The following PLCB1 variants were observed in gnomAD, a reference collection of about 807,000 sequenced individuals.
PLCB1 encodes the protein phospholipase C beta 1, also known as 1-phosphatidylinositol 4,5-bisphosphate phosphodiesterase beta-1.
Under a neutral mutation model 161.8 loss-of-function variants are expected in PLCB1, and 46 were observed. The observed-to-expected ratio is 0.28, with a 90% confidence interval of 0.22 to 0.36. PLCB1 has a LOEUF of 0.36. PLCB1 is among the 10% of genes least tolerant of loss of function. PLCB1 has a pLI of 1.00. For synonymous variants in PLCB1, 517 were observed against 503.7 expected, an observed-to-expected ratio of 1.03 and a Z score of -0.35; for missense variants, 1,016 against 1,472.5, an observed-to-expected ratio of 0.69 and a Z score of 5.07.
intron 3 of PLCB1, among the ~76,000 whole-genome samples, chr20:8,594,737 T>C (rs1163535951): frequency 1.3e-5 from 2 of 151,656 alleles, no homozygotes; most frequent in African/African-American, 4.8e-5. Context: ...AACTCAGTGC[T>C]TTAAGTGCAT....
intron 2 of PLCB1, among the ~76,000 whole-genome samples, chr20:8,366,775 C>T (rs528951177): frequency 6.7e-6 from 1 of 149,582 alleles, no homozygotes; most frequent in East Asian, 1.9e-4. Context: ...GTACATGCCT[C>T]GTTTAATGAT....
chr20:8,666,942 G>C (rs1989826073), intron 9 of PLCB1, among the ~76,000 whole-genome samples: 1 of 152,060 alleles, frequency 6.6e-6, no homozygotes, highest in Non-Finnish European at 1.5e-5. Context: ...AGGGATGTCT[G>C]CCCAAACCCA....
chr20:8,392,995 A>G (rs1456530705), intron 3 of PLCB1, among the ~76,000 whole-genome samples: 1 of 152,178 alleles, frequency 6.6e-6, no homozygotes, highest in African/African-American at 2.4e-5. Flanking sequence ...GGAACTCCTG[A>G]AATTAATGTC....
intron 3 of PLCB1, among the ~76,000 whole-genome samples, chr20:8,482,758 C>T (rs1982558658): frequency 6.6e-6 from 1 of 152,134 alleles, no homozygotes; most frequent in Admixed American, 6.5e-5. Flanking sequence ...AGACTGCTTG[C>T]CAAGTGGAGT....
intron 18 of PLCB1, chr20:8,729,442 C>A: frequency 4.3e-6 from 1 of 233,300 alleles, no homozygotes; most frequent in Non-Finnish European, 8.2e-6. Context: ...TAAGATAATA[C>A]ATATTTATTT....
Position 8,763,040 on chromosome 20 carries a change from A to T in PLCB1, c.2711-2099A>T, listed in dbSNP as rs528790543. Among the ~76,000 whole-genome samples the T allele has an allele frequency of 1.3e-4, 20 of 152,320 alleles. No homozygotes were observed. In the South Asian group the frequency reaches 3.9e-3, roughly 30 times the overall value. On this transcript the variant is annotated intron_variant, in intron 25 of 31. Coordinates refer to ENST00000338037, the MANE Select transcript of PLCB1 (RefSeq NM_015192.4). Reference sequence around the variant, plus strand: ...GATAATTCACTGGAGTTAAGATACCATCAGTTGTAAAGCATCCTACGTTCA... The same window carrying T: ...GATAATTCACTGGAGTTAAGATACCTTCAGTTGTAAAGCATCCTACGTTCA...
At chr20:8,649,254 C>G in intron 6 of PLCB1, 120 bp from the exon 7 acceptor site, 1 of 636,670 alleles carries the variant, frequency 1.6e-6, no homozygotes, top group African/African-American at 1.8e-5. Context: ...TCTTTTAGTT[C>G]TTTAAATATG....
intron 3 of PLCB1, among the ~76,000 whole-genome samples, chr20:8,579,234 T>C (rs990556906): frequency 1.3e-5 from 2 of 152,252 alleles, no homozygotes; most frequent in African/African-American, 2.4e-5. Flanking sequence ...AGTTGTGCAA[T>C]TGGGCTTGCT....
chr20:8,516,465 A>G (rs1984118160), intron 3 of PLCB1, among the ~76,000 whole-genome samples: 1 of 152,064 alleles, frequency 6.6e-6, no homozygotes, highest in Non-Finnish European at 1.5e-5. Context: ...GTGAACAGAA[A>G]TGAGTGATCA....
rs1988031156 is a variant in PLCB1 at position 8,882,483 on chromosome 20, C to G, written c.*634C>G. On this transcript the variant is annotated 3_prime_UTR_variant, in exon 32 of 32. Coordinates refer to ENST00000338037, the MANE Select transcript of PLCB1 (RefSeq NM_015192.4). ...AAGTTTTCTATTTGAAAAAAAAAAT[C>G]ACTTGATTGTATCCTTGCCCAGTGA... is the stretch of plus-strand genomic sequence containing the variant. 6.5e-6 allele frequency: 1 copy of G among 153,432 alleles called. No homozygotes were observed. Among genetic ancestry groups the G allele is most frequent in the Non-Finnish European group, 1.5e-5 (1 of 68,720 alleles). 9.5% of individuals were successfully genotyped at this position (153,432 alleles called of 1,614,324 possible).
At position 8,567,595 on chromosome 20, in the gene PLCB1, G is replaced by A. The variant is rs868603815; in HGVS notation, c.247-60699G>A. ...CATGCATATAAAACCAATGTCACTG[G>A]CATGCATCAGAAACTTTAATTTAAC... is the stretch of plus-strand genomic sequence containing the variant. On this transcript the variant is annotated intron_variant, in intron 3 of 31. Coordinates refer to ENST00000338037, the MANE Select transcript of PLCB1 (RefSeq NM_015192.4). 1.6e-4 allele frequency among the ~76,000 whole-genome samples: 25 copies of A among 152,102 alleles called. No individual in the cohort carries two copies. The Middle Eastern group carries it at 0.02, about 124-fold the overall frequency.
chr20:8,514,088 A>G (rs1984005803), intron 3 of PLCB1, among the ~76,000 whole-genome samples: 1 of 150,150 alleles, frequency 6.7e-6, no homozygotes, highest in South Asian at 2.1e-4. Context: ...AAAAAGATGT[A>G]ATTACACACT....
At chr20:8,163,725 C>T (rs962161798) in intron 2 of PLCB1, among the ~76,000 whole-genome samples, 7 of 152,214 alleles carry the variant, frequency 4.6e-5, no homozygotes, top group African/African-American at 1.4e-4. Flanking sequence ...TGGGGCAGTG[C>T]AGCAGCTGCC....
intron 27 of PLCB1, 116 bp from the exon 28 acceptor site, chr20:8,788,333 A>G (rs1332221775): frequency 3.3e-6 from 3 of 900,154 alleles, no homozygotes; most frequent in Admixed American, 2.5e-5. Flanking sequence ...AACTTTAACT[A>G]TTGTGAAACA....
intron 4 of PLCB1, among the ~76,000 whole-genome samples, chr20:8,632,190 T>G (rs998245428): frequency 5.3e-5 from 8 of 151,782 alleles, no homozygotes; most frequent in African/African-American, 1.9e-4. Context: ...TTCTGTAATT[T>G]GGGCCCCAGG....
At chr20:8,611,079 T>G (rs1987892194) in intron 3 of PLCB1, among the ~76,000 whole-genome samples, 1 of 152,124 alleles carries the variant, frequency 6.6e-6, no homozygotes, top group African/African-American at 2.4e-5. Flanking sequence ...AGTAAGGAAA[T>G]TTATACTTAA....
chr20:8,808,056 G>A (rs1267795200), intron 31 of PLCB1, among the ~76,000 whole-genome samples: 1 of 152,126 alleles, frequency 6.6e-6, no homozygotes, highest in African/African-American at 2.4e-5. Flanking sequence ...GAGCAGATAA[G>A]AAGGACTTCC....
At chr20:8,230,056 C>CAAAAAAAAAAAAAAAA (rs547874616) in intron 2 of PLCB1, among the ~76,000 whole-genome samples, 1 of 58,876 alleles carries the variant, frequency 1.7e-5, no homozygotes. Context: ...GACTTGGCAG[C>CAAAAAAAAAAAAAAAA]AAAAAAAAAA....
intron 3 of PLCB1, among the ~76,000 whole-genome samples, chr20:8,587,715 T>C (rs1260489975): frequency 6.6e-6 from 1 of 152,214 alleles, no homozygotes; most frequent in African/African-American, 2.4e-5. Flanking sequence ...GTTAATGCAG[T>C]ACTAATGCAG....
Sources: allele counts gnomAD v4.1 joint callset (sites outside exome capture counted in the v4.1 genomes callset), GRCh38; gene constraint gnomAD v4.1.1; transcripts MANE v1.5; gene names NCBI Gene and HGNC (gene_info 2026-07-23, HGNC 2026-07-21).